DNAH3: variants seen among roughly 807,000 people sequenced by gnomAD.
The protein encoded by DNAH3 is axonemal beta dynein heavy chain 3.
In DNAH3, 332 loss-of-function variants were observed where a neutral mutation model predicts 432.5. The observed-to-expected ratio is 0.77, with a 90% CI of 0.70 to 0.84. The LOEUF (loss-of-function observed/expected upper bound fraction) is 0.84. DNAH3 is among the 40% of genes least tolerant of loss of function. The pLI is 0.00. For missense variants in DNAH3, 4,861 were observed against 5,114.0 expected (o/e 0.95, Z 1.51); for synonymous variants, 1,956 against 1,900.2 (o/e 1.03, Z -0.76).
At chr16:21,101,335 C>T (rs756002761) in intron 16 of DNAH3, among the ~76,000 whole-genome samples, 24 of 152,096 alleles carry the variant, frequency 1.6e-4, no homozygotes, top group Non-Finnish European at 3.2e-4. Context: ...GTTGAACCAT[C>T]GTAAGTCAGT....
chr16:21,063,055 G>A, intron 24 of DNAH3: 1 of 180,224 alleles, frequency 5.5e-6, no homozygotes, highest in South Asian at 1.4e-4. Context: ...CGATGGTTTT[G>A]AGTCTGACAG....
chr16:20,996,978 T>C (rs1023846927), intron 44 of DNAH3: 1 of 292,954 alleles, frequency 3.4e-6, no homozygotes, highest in Middle Eastern at 1.1e-3. Flanking sequence ...GCACCCCTAG[T>C]TGAGGCTTCT....
At chr16:20,936,579 G>T in intron 60 of DNAH3, 70 bp downstream of exon 60, 1 of 1,398,278 alleles carries the variant, frequency 7.2e-7, no homozygotes, top group Non-Finnish European at 9.8e-7. Flanking sequence ...CCTCTAGTCT[G>T]CCATTTCAGA....
At chr16:20,989,693 G>T (rs1597075879) in intron 44 of DNAH3, among the ~76,000 whole-genome samples, 1 of 152,364 alleles carries the variant, frequency 6.6e-6, no homozygotes, top group African/African-American at 2.4e-5. Flanking sequence ...TGGAGCAGGG[G>T]GTGGTGCTCG....
chr16:21,000,137 A>G (rs1056477110), intron 43 of DNAH3, 87 bp downstream of exon 43: 26 of 1,398,900 alleles, frequency 1.9e-5, no homozygotes, highest in Non-Finnish European at 2.5e-5. Context: ...AAAGGTATGT[A>G]CAGTGGCACC....
exon 53 of DNAH3, chr16:20,964,992 C>G: frequency 6.2e-7 from 1 of 1,614,182 alleles, no homozygotes; most frequent in African/African-American, 1.3e-5. Context: ...CTGCCCTGAC[C>G]AGCTTTTGGG....
At chr16:21,014,828 C>T (rs1294067170) in intron 41 of DNAH3, among the ~76,000 whole-genome samples, 1 of 151,896 alleles carries the variant, frequency 6.6e-6, no homozygotes, top group Non-Finnish European at 1.5e-5. Flanking sequence ...AACACAATAC[C>T]ATTTATATTA....
At position 21,086,829 on chromosome 16, in the gene DNAH3, G is replaced by A. The variant is rs113169729; in HGVS notation, c.2877+20C>T. 0.017 allele frequency: 27,613 copies of A among 1,608,000 alleles called. 303 individuals carry two copies. Among genetic ancestry groups the A allele is most frequent in the Middle Eastern group, 0.034 (202 of 6,004 alleles). The stretch of plus-strand genomic sequence containing the variant: ...GGCCTGGGCTGCGCTGCTTGGGGGC[G>A]GGCAGTGATTGATAGAAACCTGCTG... On this transcript the variant is annotated intron_variant, in intron 19 of 61. Coordinates refer to ENST00000261383, the Ensembl canonical transcript of DNAH3.
chr16:21,105,091 C>G (rs1330152452), intron 15 of DNAH3, among the ~76,000 whole-genome samples: 1 of 152,214 alleles, frequency 6.6e-6, no homozygotes, highest in East Asian at 1.9e-4. Context: ...AAATGTCCAC[C>G]CTGGGTTTCC....
intron 16 of DNAH3, among the ~76,000 whole-genome samples, chr16:21,100,848 A>G (rs2091819630): frequency 6.6e-6 from 1 of 152,220 alleles, no homozygotes; most frequent in African/African-American, 2.4e-5. Flanking sequence ...CTCACATAGA[A>G]ATCTCTGATG....
chr16:21,029,194 A>C (rs1161446706), intron 37 of DNAH3, among the ~76,000 whole-genome samples: 1 of 152,240 alleles, frequency 6.6e-6, no homozygotes, highest in Non-Finnish European at 1.5e-5. Flanking sequence ...TCATGTAATA[A>C]AACATTTCCA....
At chr16:21,090,662 T>G (rs1184703963) in intron 18 of DNAH3, among the ~76,000 whole-genome samples, 2 of 152,154 alleles carry the variant, frequency 1.3e-5, no homozygotes, top group African/African-American at 4.8e-5. Flanking sequence ...TACTGTATGA[T>G]CTCACTATTT....
intron 3 of DNAH3, among the ~76,000 whole-genome samples, chr16:21,142,493 T>G (rs773245164): frequency 6.6e-6 from 1 of 152,140 alleles, no homozygotes; most frequent in Non-Finnish European, 1.5e-5. Context: ...TTATTGCAAG[T>G]AGAAAAACCA....
intron 22 of DNAH3, among the ~76,000 whole-genome samples, chr16:21,070,441 C>G (rs1195224456): frequency 6.6e-6 from 1 of 152,062 alleles, no homozygotes; most frequent in Non-Finnish European, 1.5e-5. Context: ...CTCCACTATG[C>G]CTGGCTAATT....
At chr16:21,145,104 T>C in intron 3 of DNAH3, 77 bp downstream of exon 4, 1 of 1,269,880 alleles carries the variant, frequency 7.9e-7, no homozygotes, top group East Asian at 2.5e-5. Context: ...AGAGTGAGAC[T>C]CCATCTAAAA....
intron 31 of DNAH3, among the ~76,000 whole-genome samples, chr16:21,048,701 C>A (rs2089826314): frequency 6.6e-6 from 1 of 151,726 alleles, no homozygotes; most frequent in Admixed American, 6.6e-5. Flanking sequence ...TGGCTCCTCC[C>A]TCCTTTTTTT....
intron 2 of DNAH3, 28 bp from the exon 4 acceptor site, chr16:21,145,434 C>A (rs371726769): frequency 1.3e-6 from 2 of 1,582,652 alleles, no homozygotes; most frequent in Middle Eastern, 1.7e-4. Flanking sequence ...CAGAGTGAGA[C>A]ACAATGAGGA....
At chr16:21,004,540 G>C (rs2087184648) in intron 41 of DNAH3, among the ~76,000 whole-genome samples, 1 of 151,874 alleles carries the variant, frequency 6.6e-6, no homozygotes, top group African/African-American at 2.4e-5. Context: ...GCTAATTTTT[G>C]TATTATTAGT....
chr16:21,040,179 G>T (rs998818966), intron 32 of DNAH3, among the ~76,000 whole-genome samples: 1 of 151,868 alleles, frequency 6.6e-6, no homozygotes, highest in African/African-American at 2.4e-5. Flanking sequence ...CTTACATTGG[G>T]TCCCTCAATG....
Sources: allele counts gnomAD v4.1 joint callset (sites outside exome capture counted in the v4.1 genomes callset), GRCh38; gene constraint gnomAD v4.1.1; transcripts MANE v1.5; gene names NCBI Gene and HGNC (gene_info 2026-07-23, HGNC 2026-07-21).